The following FHIT variants were observed in gnomAD, a reference collection of about 807,000 sequenced individuals.
The protein encoded by FHIT is bis(5'-adenosyl)-triphosphatase.
Under a neutral mutation model 17.9 loss-of-function variants are expected in FHIT, and 19 were observed. The observed-to-expected ratio is 1.06, with a 90% CI of 0.74 to 1.56. The LOEUF is 1.56. Ranked by LOEUF, FHIT falls within the 40% of genes most tolerant of loss-of-function variation. The pLI is 0.00. For synonymous variants in FHIT, 81 were observed against 69.7 expected (o/e 1.16, Z -0.81); for missense variants, 248 against 189.2 (o/e 1.31, Z -1.82).
intron 5 of FHIT, among the ~76,000 whole-genome samples, chr3:60,351,937 A>G (rs1482373512): frequency 6.6e-6 from 1 of 152,160 alleles, no homozygotes; most frequent in Non-Finnish European, 1.5e-5. Context: ...CTTCTTTGAT[A>G]AGTTTGTTCC....
chr3:60,058,360 A>T (rs192126393), intron 5 of FHIT, among the ~76,000 whole-genome samples: 2 of 151,736 alleles, frequency 1.3e-5, no homozygotes, highest in African/African-American at 4.8e-5. Context: ...GGATCTCTTG[A>T]CCTCATGATC....
At chr3:61,015,339 G>C (rs901991342) in intron 3 of FHIT, among the ~76,000 whole-genome samples, 1 of 152,138 alleles carries the variant, frequency 6.6e-6, no homozygotes, top group Non-Finnish European at 1.5e-5. Flanking sequence ...GCCTTCAAGA[G>C]GTTTTCCCAC....
intron 2 of FHIT, among the ~76,000 whole-genome samples, chr3:61,176,551 A>G (rs542208328): frequency 7.9e-5 from 12 of 152,292 alleles, no homozygotes; most frequent in African/African-American, 2.6e-4. Context: ...AAAGCTTTAT[A>G]CTTTATAAAG....
chr3:61,195,603 C>T (rs2038832502), intron 2 of FHIT, among the ~76,000 whole-genome samples: 1 of 152,182 alleles, frequency 6.6e-6, no homozygotes, highest in Non-Finnish European at 1.5e-5. Context: ...CTCAGCCCCA[C>T]TGATTTTGAA....
chr3:59,755,733 G>A (rs562893243), intron 8 of FHIT, among the ~76,000 whole-genome samples: 2 of 152,290 alleles, frequency 1.3e-5, no homozygotes, highest in South Asian at 4.1e-4. Flanking sequence ...CCAAACGGCT[G>A]ATTCTTAGTG....
intron 5 of FHIT, among the ~76,000 whole-genome samples, chr3:60,314,551 G>T (rs1179837272): frequency 1.3e-5 from 2 of 152,124 alleles, no homozygotes; most frequent in African/African-American, 2.4e-5. Context: ...TTCTTTTGTT[G>T]TTTGTTTTTC....
chr3:60,227,314 C>T (rs1704258302), intron 5 of FHIT, among the ~76,000 whole-genome samples: 1 of 152,188 alleles, frequency 6.6e-6, no homozygotes, highest in South Asian at 2.1e-4. Flanking sequence ...TTTCAGAACT[C>T]TAATACCTTA....
intron 5 of FHIT, among the ~76,000 whole-genome samples, chr3:60,534,224 G>C (rs891322906): frequency 6.1e-5 from 9 of 147,690 alleles, no homozygotes; most frequent in African/African-American, 2.2e-4. Context: ...TCAGGAGATC[G>C]AGACCATCCT....
chr3:59,832,107 T>G (rs1212313930), intron 8 of FHIT, among the ~76,000 whole-genome samples: 1 of 152,168 alleles, frequency 6.6e-6, no homozygotes, highest in Non-Finnish European at 1.5e-5. Context: ...TCATGCTGTT[T>G]AGCTCAGAAA....
intron 5 of FHIT, among the ~76,000 whole-genome samples, chr3:60,238,002 C>G (rs1425354148): frequency 6.6e-6 from 1 of 151,864 alleles, no homozygotes; most frequent in Non-Finnish European, 1.5e-5. Context: ...AAAAATCAGC[C>G]AGGAATGGTG....
chr3:60,387,023 C>CTTTTTTTTTTTTT (rs71627536), intron 5 of FHIT, among the ~76,000 whole-genome samples: 18 of 136,410 alleles, frequency 1.3e-4, no homozygotes, highest in African/African-American at 4.3e-4. Context: ...TCTATTTATT[C>CTTTTTTTTTTTTT]TTTTTTTTTT....
At chr3:60,042,108 G>A (rs3845972) in intron 5 of FHIT, among the ~76,000 whole-genome samples, 85,361 of 152,016 alleles carry the variant, frequency 0.56, 24,613 homozygotes, top group Middle Eastern at 0.77. Context: ...GTACAAAAAC[G>A]CATCTCTTGC....
intron 4 of FHIT, among the ~76,000 whole-genome samples, chr3:60,740,949 G>T (rs374349765): frequency 6.6e-6 from 1 of 152,158 alleles, no homozygotes; most frequent in Non-Finnish European, 1.5e-5. Context: ...TGAGGCAAAT[G>T]GTTCCTGGCT....
chr3:60,278,603 C>G (rs111332859), intron 5 of FHIT, among the ~76,000 whole-genome samples: 1 of 151,984 alleles, frequency 6.6e-6, no homozygotes, highest in Non-Finnish European at 1.5e-5. Context: ...CTTAGGAAAG[C>G]CCAAAGACAA....
chr3:59,850,619 G>A lies in FHIT; in HGVS notation c.348+71727C>T, dbSNP rs184380166. Among the ~76,000 whole-genome samples the A allele has an allele frequency of 3.4e-4, 51 of 152,200 alleles. No homozygotes were observed. The East Asian group carries it at 8.9e-3, about 27-fold the overall frequency. ...CAGGCTCTCTAACCAGAGAGGTTAG[G>A]GACAGAATACATGGCCACCCCAAGG... On this transcript the variant is annotated intron_variant, in intron 8 of 9. Coordinates refer to ENST00000492590, the MANE Select transcript of FHIT (RefSeq NM_002012.4).
chr3:60,125,966 TC>T (rs2107242719), intron 5 of FHIT, among the ~76,000 whole-genome samples: 1 of 152,272 alleles, frequency 6.6e-6, no homozygotes, highest in East Asian at 1.9e-4. Context: ...TTCCTCCCCT[TC>T]TTTCTCTGTT....
chr3:60,889,267 C>T lies in FHIT; in HGVS notation c.-110-67256G>A, dbSNP rs535565605. On this transcript the variant is annotated intron_variant, in intron 3 of 9. Coordinates refer to ENST00000492590, the MANE Select transcript of FHIT (RefSeq NM_002012.4). The stretch of plus-strand genomic sequence containing the variant: ...AATCCTAGCCAACAGGGGAACGACA[C>T]GGCAGCAGGGGCCATGTGCCTCAGG... Among the ~76,000 whole-genome samples the T allele has an allele frequency of 7.9e-5, 12 of 152,302 alleles. 1 individual carries two copies. The South Asian group carries it at 1.0e-3, about 13-fold the overall frequency.
At chr3:60,215,524 C>T (rs534232661) in intron 5 of FHIT, among the ~76,000 whole-genome samples, 2 of 152,048 alleles carry the variant, frequency 1.3e-5, no homozygotes, top group East Asian at 3.9e-4. Context: ...GATCGCGCCA[C>T]TGCAGTCCAG....
intron 5 of FHIT, among the ~76,000 whole-genome samples, chr3:60,377,107 A>T (rs1700594430): frequency 6.6e-6 from 1 of 152,218 alleles, no homozygotes; most frequent in Admixed American, 6.5e-5. Flanking sequence ...TAAGCCCCTA[A>T]AGAAAGCTGT....
Sources: gnomAD v4.1 joint callset for allele counts (sites outside exome capture counted in the v4.1 genomes callset) on GRCh38, gnomAD v4.1.1 for gene constraint, MANE v1.5 for transcripts, NCBI Gene and HGNC (gene_info 2026-07-23, HGNC 2026-07-21) for gene names.